The following MEGF10 variants were observed in gnomAD, a reference collection of about 807,000 sequenced individuals.
MEGF10 encodes multiple epidermal growth factor-like domains protein 10.
In MEGF10, 86 loss-of-function variants were observed where a neutral mutation model predicts 147.5. The ratio of observed to expected loss-of-function variants is 0.58; its 90% CI spans 0.49 to 0.70. The LOEUF (loss-of-function observed/expected upper bound fraction) is 0.70, where lower values mean the gene tolerates loss of function less well. Among genes scored for constraint, MEGF10 ranks in the 30% least tolerant of loss-of-function variants. MEGF10 has a pLI of 0.00. For synonymous variants in MEGF10, 478 were observed against 525.5 expected, an observed-to-expected ratio of 0.91 and a Z score of 1.24; for missense variants, 1,329 against 1,487.3, an observed-to-expected ratio of 0.89 and a Z score of 1.75.
chr5:127,289,767 G>C (rs1759152959), upstream of MEGF10, among the ~76,000 whole-genome samples: 1 of 152,298 alleles, frequency 6.6e-6, no homozygotes, highest in South Asian at 2.1e-4. Context: ...GAACGCTCTT[G>C]AAGTCTCTCT....
chr5:127,275,805 T>C, the MEGF10 span, among the ~76,000 whole-genome samples: 1 of 152,220 alleles, frequency 6.6e-6, no homozygotes, highest in East Asian at 1.9e-4. Flanking sequence ...ATTCAAGGGA[T>C]TGTTGACACC....
the MEGF10 span, among the ~76,000 whole-genome samples, chr5:127,256,960 A>T: frequency 6.6e-6 from 1 of 152,140 alleles, no homozygotes; most frequent in South Asian, 2.1e-4. Flanking sequence ...ACTCTTCTTC[A>T]TAAGGAAGAG....
chr5:127,452,188 G>T (rs1018863157), intron 22 of MEGF10, among the ~76,000 whole-genome samples: 1 of 152,178 alleles, frequency 6.6e-6, no homozygotes, highest in Non-Finnish European at 1.5e-5. Flanking sequence ...GGGGTGTCTG[G>T]CCTCATAGCC....
chr5:127,242,403 T>C, the MEGF10 span, among the ~76,000 whole-genome samples: 12 of 152,330 alleles, frequency 7.9e-5, 1 homozygote, highest in Admixed American at 5.2e-4. Context: ...GTATATATAA[T>C]GAAATTGCAG....
At chr5:127,288,420 G>A (rs1403118767), upstream of MEGF10, among the ~76,000 whole-genome samples, 1 of 151,980 alleles carries the variant, frequency 6.6e-6, no homozygotes, top group African/African-American at 2.4e-5. Flanking sequence ...TTAAAAATTG[G>A]GCAATAAATT....
chr5:127,449,324 C>T (rs1766070665), intron 22 of MEGF10, 102 bp downstream of exon 22: 2 of 1,500,078 alleles, frequency 1.3e-6, no homozygotes, highest in Admixed American at 4.0e-5. Flanking sequence ...TGAAAACTTG[C>T]ATCAAAAAGC....
chr5:127,290,676 G>C (rs1421708988), upstream of MEGF10, among the ~76,000 whole-genome samples: 1 of 152,302 alleles, frequency 6.6e-6, no homozygotes, highest in Admixed American at 6.5e-5. Context: ...TGCGCGCGGC[G>C]CCAAGCGACA....
intron 4 of MEGF10, among the ~76,000 whole-genome samples, chr5:127,366,269 TG>T (rs1481495785): frequency 6.6e-6 from 1 of 152,200 alleles, no homozygotes; most frequent in African/African-American, 2.4e-5. Context: ...TGCCTTCCTC[TG>T]TTGCTTCCCT....
the MEGF10 span, among the ~76,000 whole-genome samples, chr5:127,268,435 C>T: frequency 2.6e-5 from 4 of 152,210 alleles, no homozygotes; most frequent in South Asian, 2.1e-4. Flanking sequence ...CTGTTAGGTC[C>T]GCTTGGTGTA....
At chr5:127,416,065 G>C (rs1343377805) in intron 9 of MEGF10, among the ~76,000 whole-genome samples, 5 of 151,702 alleles carry the variant, frequency 3.3e-5, no homozygotes, top group Non-Finnish European at 5.9e-5. Flanking sequence ...GTCTCGCTCT[G>C]TCCCCAGGCT....
chr5:127,331,616 A>G (rs1011354057), intron 2 of MEGF10, among the ~76,000 whole-genome samples, 192 bp downstream of exon 2: 1 of 152,216 alleles, frequency 6.6e-6, no homozygotes, highest in Admixed American at 6.5e-5. Context: ...ATATTATGTG[A>G]AAAAAGTCTT....
intron 16 of MEGF10, among the ~76,000 whole-genome samples, chr5:127,437,294 T>C (rs139404285): frequency 1.3e-5 from 2 of 152,366 alleles, no homozygotes; most frequent in East Asian, 3.9e-4. Context: ...CGAGTCACTA[T>C]TAACCTTTTG....
chr5:127,279,938 T>C, the MEGF10 span, among the ~76,000 whole-genome samples: 4 of 151,636 alleles, frequency 2.6e-5, no homozygotes, highest in African/African-American at 9.7e-5. Context: ...AATCTATTTG[T>C]CTTTTCTATT....
Position 127,310,988 on chromosome 5 carries a change from C to A in MEGF10, c.-19+19932C>A, listed in dbSNP as rs1025245887. Among the ~76,000 whole-genome samples the A allele has an allele frequency of 2.4e-4, 37 of 152,318 alleles. No homozygotes were observed. The East Asian group carries it at 7.1e-3, about 29-fold the overall frequency. On this transcript the variant is annotated intron_variant, in intron 1 of 24. Coordinates refer to ENST00000503335, the MANE Select transcript of MEGF10 (RefSeq NM_001256545.2). ...GCCCCTAGCTGAACCTCTAAGGAAC[C>A]TCAGTCCCCCTCCCAAAGACATAAT... is the stretch of plus-strand genomic sequence containing the variant.
the MEGF10 span, among the ~76,000 whole-genome samples, chr5:127,261,298 C>CT: frequency 1.3e-5 from 2 of 152,120 alleles, no homozygotes; most frequent in Non-Finnish European, 2.9e-5. Flanking sequence ...CAGTAATCTG[C>CT]TTTTTGTCTG....
chr5:127,345,923 A>G (rs1452384261), intron 4 of MEGF10, among the ~76,000 whole-genome samples: 2 of 152,106 alleles, frequency 1.3e-5, no homozygotes, highest in Non-Finnish European at 2.9e-5. Flanking sequence ...CTTAGCTCCT[A>G]CTTAATAAGA....
intron 8 of MEGF10, chr5:127,409,448 C>G (rs1312469577): frequency 6.6e-6 from 1 of 152,218 alleles, no homozygotes; most frequent in Non-Finnish European, 1.5e-5. Context: ...GAGAGCCAGT[C>G]ACCTGGCCTA....
the MEGF10 span, among the ~76,000 whole-genome samples, chr5:127,280,335 G>T: frequency 6.6e-6 from 1 of 152,098 alleles, no homozygotes; most frequent in Non-Finnish European, 1.5e-5. Flanking sequence ...TTCATTGGAG[G>T]ACAAATTCCA....
rs765595080 is a variant in MEGF10, at chr5:127,410,416, C to T, written c.945C>T (p.Thr315=). ...ERCQDECPVG[T]YGVLCAETCQ... Reference sequence around the variant, plus strand: ...GCCAGGATGAGTGTCCTGTTGGGACCTATGGCGTTCTCTGTGCTGAGACCT... The same window carrying T: ...GCCAGGATGAGTGTCCTGTTGGGACTTATGGCGTTCTCTGTGCTGAGACCT... Residue 315 remains threonine, a synonymous_variant, in exon 9 of 25, where the codon ACC becomes ACT. Coordinates refer to ENST00000503335, the MANE Select transcript of MEGF10 (RefSeq NM_001256545.2). The T allele has an allele frequency of 1.2e-6, 2 of 1,614,220 alleles. No homozygotes were observed. The highest frequency in any genetic ancestry group is 1.7e-6 in the Non-Finnish European group (2 of 1,180,038).
Sources: allele counts gnomAD v4.1 joint callset (sites outside exome capture counted in the v4.1 genomes callset), GRCh38; gene constraint gnomAD v4.1.1; transcripts MANE v1.5; gene names NCBI Gene and HGNC (gene_info 2026-07-23, HGNC 2026-07-21).